CNKSR2: variants seen among roughly 807,000 people sequenced by gnomAD.
The protein encoded by CNKSR2 is connector enhancer of kinase suppressor of Ras 2.
In CNKSR2, 14 loss-of-function variants were observed where a neutral mutation model predicts 84.4. The observed-to-expected ratio is 0.17, with a 90% CI of 0.11 to 0.26. The LOEUF (loss-of-function observed/expected upper bound fraction) is 0.26, where lower values mean the gene tolerates loss of function less well. Ranked by LOEUF, CNKSR2 falls within the 10% of genes least tolerant of loss-of-function variation. The probability of loss-of-function intolerance (pLI) is 1.00; values close to 1 mark genes in which losing one functional copy is unlikely to be tolerated. For synonymous variants in CNKSR2, 275 were observed against 277.9 expected, an observed-to-expected ratio of 0.99 and a Z score of 0.10; for missense variants, 485 against 771.2, an observed-to-expected ratio of 0.63 and a Z score of 4.40.
At chrX:21,387,282 G>C (rs2089983264) in intron 1 of CNKSR2, among the ~76,000 whole-genome samples, 2 of 111,354 alleles carry the variant, frequency 1.8e-5, no homozygotes, top group Non-Finnish European at 3.8e-5. Context: ...AGGAGGTCGA[G>C]ATCAGCCTGG....
At chrX:21,410,032 CTGTGTGTG>C (rs60351010) in intron 1 of CNKSR2, among the ~76,000 whole-genome samples, 42 of 97,682 alleles carry the variant, frequency 4.3e-4, no homozygotes, top group African/African-American at 4.1e-4. Flanking sequence ...CTAATTGTGT[CTGTGTGTG>C]TGTGTGTGTG....
chrX:21,548,610 CACA>C (rs1478642286), intron 11 of CNKSR2, among the ~76,000 whole-genome samples: 6 of 111,541 alleles, frequency 5.4e-5, no homozygotes, highest in Non-Finnish European at 9.4e-5. Context: ...CTGGCAGAGA[CACA>C]ACAAAAAAAG....
intron 11 of CNKSR2, 103 bp from the exon 12 acceptor site, chrX:21,561,367 TA>T: frequency 1.6e-6 from 1 of 619,847 alleles, no homozygotes; most frequent in Non-Finnish European, 2.7e-6. Flanking sequence ...TAATGTTGCA[TA>T]AGAGTGAGTG....
At chrX:21,503,499 G>A in intron 8 of CNKSR2, 2 of 264,097 alleles carry the variant, frequency 7.6e-6, no homozygotes, top group Non-Finnish European at 1.3e-5. Context: ...TGTAGAAATT[G>A]AGACTCAGAA....
chrX:21,561,311 C>T (rs2092186598), intron 11 of CNKSR2, among the ~76,000 whole-genome samples, 160 bp from the exon 12 acceptor site: 1 of 109,925 alleles, frequency 9.1e-6, no homozygotes, highest in Non-Finnish European at 1.9e-5. Flanking sequence ...GCAATTTCAC[C>T]TTCTGGCTCA....
At chrX:21,490,397 G>T in intron 5 of CNKSR2, 62 bp from the exon 6 acceptor site, 1 of 1,071,720 alleles carries the variant, frequency 9.3e-7, no homozygotes, top group Non-Finnish European at 1.3e-6. Context: ...ATTACAAAAG[G>T]TGATTTATAT....
chrX:21,403,344 A>G (rs1166974655), intron 1 of CNKSR2, among the ~76,000 whole-genome samples: 6 of 111,659 alleles, frequency 5.4e-5, no homozygotes, highest in African/African-American at 1.9e-4. Context: ...TTACCTTTTA[A>G]GAGTAGACTC....
intron 11 of CNKSR2, among the ~76,000 whole-genome samples, chrX:21,534,453 G>A (rs753769585): frequency 1.8e-5 from 2 of 110,340 alleles, no homozygotes; most frequent in South Asian, 3.9e-4. Flanking sequence ...CCTATACCCA[G>A]TAATGTGAAT....
chrX:21,408,183 C>T (rs1410836005), intron 1 of CNKSR2, among the ~76,000 whole-genome samples: 1 of 111,820 alleles, frequency 8.9e-6, no homozygotes, highest in Non-Finnish European at 1.9e-5. Flanking sequence ...TGATTATTTG[C>T]AATTCTTATC....
At chrX:21,427,550 G>T (rs756378528) in intron 2 of CNKSR2, 1 of 111,584 alleles carries the variant, frequency 9.0e-6, no homozygotes, top group African/African-American at 3.3e-5. Context: ...GTGCTATTGG[G>T]ACTATATCTT....
At chrX:21,606,342 G>A (rs1415390634) in intron 18 of CNKSR2, among the ~76,000 whole-genome samples, 1 of 111,456 alleles carries the variant, frequency 9.0e-6, no homozygotes, top group Non-Finnish European at 1.9e-5. Flanking sequence ...TTTTAGAGTT[G>A]TTTATATCTG....
At chrX:21,503,941 T>C (rs985921916) in intron 8 of CNKSR2, 3 of 111,551 alleles carry the variant, frequency 2.7e-5, no homozygotes, top group Admixed American at 1.9e-4. Flanking sequence ...GAATCCTCCT[T>C]CTTGGCATAC....
At chrX:21,573,875 A>C (rs2092301407) in intron 13 of CNKSR2, among the ~76,000 whole-genome samples, 1 of 112,075 alleles carries the variant, frequency 8.9e-6, no homozygotes, top group Non-Finnish European at 1.9e-5. Context: ...TTTCTGCAGC[A>C]GGCTTGAATT....
At position 21,426,480 on chromosome X, in the gene CNKSR2, A is replaced by C. The variant is rs1334015468; in HGVS notation, c.65-17A>C. On this transcript the variant is annotated splice_polypyrimidine_tract_variant and intron_variant, in intron 1 of 21. Transcript: ENST00000379510. The stretch of plus-strand genomic sequence containing the variant: ...GACCATGTTTTCATTCTGGTCTTTC[A>C]TACTTTTATTTTGTAGGTCTTGATG... 8 of 1,199,990 alleles carry C rather than the reference A, an allele frequency of 6.7e-6. No individual in the cohort carries two copies. The highest frequency in any genetic ancestry group is 4.5e-6 in the Non-Finnish European group (4 of 888,343).
chrX:21,560,489 C>T (rs1416813390), intron 11 of CNKSR2, among the ~76,000 whole-genome samples: 1 of 110,781 alleles, frequency 9.0e-6, no homozygotes, highest in African/African-American at 3.3e-5. Context: ...ACTTATGAAA[C>T]TCTTAGTATG....
intron 4 of CNKSR2, among the ~76,000 whole-genome samples, chrX:21,462,161 A>C (rs1266608758): frequency 1.8e-5 from 2 of 111,925 alleles, no homozygotes; most frequent in Non-Finnish European, 3.8e-5. Context: ...TGATTAATCC[A>C]AGAACAAGCA....
At chrX:21,429,768 T>G (rs2090610991) in intron 2 of CNKSR2, 1 of 110,948 alleles carries the variant, frequency 9.0e-6, no homozygotes, top group African/African-American at 3.3e-5. Context: ...TGTGCTGGCA[T>G]ACACCTGTAG....
intron 20 of CNKSR2, among the ~76,000 whole-genome samples, chrX:21,618,653 CTT>C (rs1360768723): frequency 1.8e-5 from 2 of 111,959 alleles, no homozygotes; most frequent in African/African-American, 3.2e-5. Context: ...GCCACAAACT[CTT>C]TAACATTCTT....
chrX:21,457,794 T>C (rs767596787), intron 4 of CNKSR2, among the ~76,000 whole-genome samples: 1 of 111,623 alleles, frequency 9.0e-6, no homozygotes, highest in Non-Finnish European at 1.9e-5. Context: ...CTTTTGAAAT[T>C]TGTGTGTGGA....
Sources: allele counts gnomAD v4.1 joint callset (sites outside exome capture counted in the v4.1 genomes callset), GRCh38; gene constraint gnomAD v4.1.1; transcripts MANE v1.5; gene names NCBI Gene and HGNC (gene_info 2026-07-23, HGNC 2026-07-21).